Variants in SMYD4 observed in about 807,000 individuals in gnomAD.
SMYD4 encodes SET and MYND domain containing 4, also known as protein-lysine N-methyltransferase SMYD4.
Under a neutral mutation model 72.8 loss-of-function variants are expected in SMYD4, and 68 were observed. The ratio of observed to expected loss-of-function variants is 0.93; its 90% CI spans 0.77 to 1.14. The LOEUF (loss-of-function observed/expected upper bound fraction) is 1.14. Ranked by LOEUF, SMYD4 falls within the 50% of genes most tolerant of loss-of-function variation. The probability of loss-of-function intolerance (pLI) is 0.00; values close to 1 mark genes in which losing one functional copy is unlikely to be tolerated. For synonymous variants in SMYD4, 407 were observed against 388.6 expected, an observed-to-expected ratio of 1.05 and a Z score of -0.56; for missense variants, 984 against 1,003.7, an observed-to-expected ratio of 0.98 and a Z score of 0.27.
intron 3 of SMYD4, among the ~76,000 whole-genome samples, chr17:1,811,098 T>C (rs1353909152): frequency 1.3e-5 from 2 of 152,210 alleles, no homozygotes; most frequent in Non-Finnish European, 2.9e-5. Flanking sequence ...AAGCCGCGTA[T>C]AGACAGCAAA....
intron 5 of SMYD4, among the ~76,000 whole-genome samples, chr17:1,792,451 A>G (rs957164010): frequency 2.0e-5 from 3 of 152,058 alleles, no homozygotes; most frequent in African/African-American, 7.2e-5. Flanking sequence ...GATGGAGACC[A>G]CCTTGCTAAC....
chr17:1,807,137 G>A (rs187716578), intron 3 of SMYD4, among the ~76,000 whole-genome samples: 23 of 152,124 alleles, frequency 1.5e-4, no homozygotes, highest in Admixed American at 6.6e-4. Context: ...TGATCCACCC[G>A]TCTCGGTCTC....
intron 2 of SMYD4, among the ~76,000 whole-genome samples, chr17:1,819,319 T>C (rs1910780242): frequency 6.6e-6 from 1 of 152,182 alleles, no homozygotes; most frequent in African/African-American, 2.4e-5. Context: ...ATTGTGCCAC[T>C]GCACTCCAGC....
intron 3 of SMYD4, among the ~76,000 whole-genome samples, chr17:1,806,479 G>T (rs7217992): frequency 0.18 from 27,576 of 151,982 alleles, 3,966 homozygotes; most frequent in African/African-American, 0.4. Context: ...ATGACAACCA[G>T]TAAATCAACA....
Position 1,817,514 on chromosome 17 carries a change from T to C in SMYD4, c.135-5399A>G, listed in dbSNP as rs538179275. 2.3e-5 allele frequency among the ~76,000 whole-genome samples: 3 copies of C among 129,530 alleles called. No individual in the cohort carries two copies. In the East Asian group the frequency reaches 6.4e-4, roughly 28 times the overall value. 85.0% of individuals were successfully genotyped at this position (129,530 alleles called of 152,430 possible). On this transcript the variant is annotated intron_variant, in intron 2 of 10. Coordinates refer to ENST00000305513, the MANE Select transcript of SMYD4 (RefSeq NM_052928.3). Reference sequence around the variant, plus strand: ...GCGCCACCATGCCTGGCTATATTATTTGTAGAGACGGGGTCTCACTTGTTG... The same window carrying C: ...GCGCCACCATGCCTGGCTATATTATCTGTAGAGACGGGGTCTCACTTGTTG...
Position 1,812,089 on chromosome 17 carries a change from CTTT to C in SMYD4, c.158_160del (p.Lys53del). The C allele has an allele frequency of 6.2e-7, 1 of 1,613,964 alleles. No individual in the cohort carries two copies. The highest frequency in any genetic ancestry group is 8.5e-7 in the Non-Finnish European group (1 of 1,179,992). On this transcript the variant is annotated inframe_deletion, in exon 3 of 11. Coordinates refer to ENST00000305513, the MANE Select transcript of SMYD4 (RefSeq NM_052928.3). ...TCCCACCAAGTAACCTTTAGAAAGT[CTTT>C]TTAGAAACAGCTCATCCTCAGGTCT...
intron 5 of SMYD4, among the ~76,000 whole-genome samples, chr17:1,794,107 T>TATA (rs1597374369): frequency 8.8e-4 from 9 of 10,256 alleles, no homozygotes; most frequent in Admixed American, 1.5e-3. Flanking sequence ...ATATATATAT[T>TATA]TTTTTTTTTT....
At chr17:1,816,448 GTC>G (rs1910599708) in intron 2 of SMYD4, among the ~76,000 whole-genome samples, 1 of 151,414 alleles carries the variant, frequency 6.6e-6, no homozygotes, top group African/African-American at 2.4e-5. Context: ...TGAAACCCCC[GTC>G]TCTACCAAAA....
intron 5 of SMYD4, among the ~76,000 whole-genome samples, chr17:1,799,057 G>C (rs1039868534): frequency 1.3e-5 from 2 of 151,858 alleles, no homozygotes; most frequent in African/African-American, 4.8e-5. Flanking sequence ...GGATCACGAG[G>C]TCAGGAGATC....
chr17:1,790,750 C>T (rs915129039), intron 5 of SMYD4, among the ~76,000 whole-genome samples: 4 of 152,020 alleles, frequency 2.6e-5, no homozygotes, highest in Admixed American at 1.3e-4. Context: ...CTTCTGACCT[C>T]GTGATCCACC....
intron 2 of SMYD4, among the ~76,000 whole-genome samples, chr17:1,821,894 G>A (rs1910911281): frequency 6.6e-6 from 1 of 151,450 alleles, no homozygotes; most frequent in African/African-American, 2.4e-5. Context: ...TCGTGCCATT[G>A]CACTCCAGCC....
At chr17:1,807,454 G>C (rs1379798248) in intron 3 of SMYD4, among the ~76,000 whole-genome samples, 3 of 150,010 alleles carry the variant, frequency 2.0e-5, no homozygotes, top group African/African-American at 7.3e-5. Flanking sequence ...CCCCGCACCA[G>C]GGTTCAAGCG....
rs138794221 is a variant in SMYD4, at chr17:1,800,563, C to T, written c.831G>A (p.Pro277=). The T allele has an allele frequency of 4.1e-5, 66 of 1,614,058 alleles. No individual in the cohort carries two copies. In the Middle Eastern group the frequency reaches 1.2e-3, roughly 28 times the overall value. ...CCCATTTGCTGTCTAGGCCGTGATG[C>T]GGTGGTGGCAGTTCTCCTGGGTTGA... ...SVLNPGELPP[P]HHGLDSKWDT... Residue 277 remains proline, a synonymous_variant, in exon 5 of 11, where the codon CCG becomes CCA. Coordinates refer to ENST00000305513, the MANE Select transcript of SMYD4 (RefSeq NM_052928.3).
At position 1,780,775 on chromosome 17, in the gene SMYD4, C is replaced by G. The variant is rs567764892; in HGVS notation, c.*511G>C. ...TAGCTGTGAATACAGGCGTCCGCCA[C>G]CACGCCCGACTAATTTTTTTGTATT... On this transcript the variant is annotated 3_prime_UTR_variant, in exon 11 of 11. Coordinates refer to ENST00000305513, the MANE Select transcript of SMYD4 (RefSeq NM_052928.3). The G allele has an allele frequency of 3.9e-5, 6 of 152,904 alleles. No individual in the cohort carries two copies. The highest frequency in any genetic ancestry group is 1.4e-4 in the African/African-American group (6 of 41,490). 9.5% of individuals were successfully genotyped at this position (152,904 alleles called of 1,614,324 possible).
At chr17:1,784,968 T>C (rs183710672) in intron 7 of SMYD4, among the ~76,000 whole-genome samples, 1,754 of 142,390 alleles carry the variant, frequency 0.012, 15 homozygotes, top group Middle Eastern at 0.046. Context: ...TTTTTTTTTT[T>C]AGTAGAGACG....
At chr17:1,827,663 T>C (rs578135415) in intron 2 of SMYD4, among the ~76,000 whole-genome samples, 198 bp downstream of exon 2, 62 of 152,100 alleles carry the variant, frequency 4.1e-4, no homozygotes, top group Middle Eastern at 3.4e-3. Context: ...AGGCCAGACA[T>C]GGTGGCTCAC....
rs142201390 is a variant in SMYD4, at chr17:1,813,380, C to T, written c.135-1265G>A. Among the ~76,000 whole-genome samples, 184 of 152,006 alleles carry T rather than the reference C, an allele frequency of 1.2e-3. 1 individual carries two copies. The highest frequency in any genetic ancestry group is 4.3e-3 in the African/African-American group (180 of 41,466). ...GAATCATAAAGTAAATGTAGTAAAA[C>T]GTTAACACTTGCGAAATTTGGAAGA... On this transcript the variant is annotated intron_variant, in intron 2 of 10. Coordinates refer to ENST00000305513, the MANE Select transcript of SMYD4 (RefSeq NM_052928.3).
At chr17:1,804,289 G>A in intron 4 of SMYD4, 1 of 231,966 alleles carries the variant, frequency 4.3e-6, no homozygotes. Context: ...TCCTGCCTCA[G>A]CCTCCTGAGT....
In SMYD4 at chr17:1,827,977, A is replaced by G. The variant is rs768574146; in HGVS notation, c.18T>C (p.Asp6=). 2.5e-6 allele frequency: 4 copies of G among 1,611,926 alleles called. No individual in the cohort carries two copies. In the Admixed American group the frequency reaches 5.0e-5, roughly 20 times the overall value. The change falls in exon 2 of 11, where the codon GAT becomes GAC. Residue 6 remains aspartate, a synonymous_variant. Coordinates refer to ENST00000305513, the MANE Select transcript of SMYD4 (RefSeq NM_052928.3). ...TTTGAAGCAGATATGATTTCCATTC[A>G]TCCACAGGCAGATCCATGCTGCTTT... is the stretch of plus-strand genomic sequence containing the variant. The part of the protein sequence containing the change: MDLPV[D]EWKSYLLQKW...
Sources: allele counts gnomAD v4.1 joint callset (sites outside exome capture counted in the v4.1 genomes callset), GRCh38; gene constraint gnomAD v4.1.1; transcripts MANE v1.5; gene names NCBI Gene and HGNC (gene_info 2026-07-23, HGNC 2026-07-21).